PRRC2B: variants seen among roughly 807,000 people sequenced by gnomAD.
The protein encoded by PRRC2B is protein PRRC2B.
Under a neutral mutation model 242.3 loss-of-function variants are expected in PRRC2B, and 68 were observed. The ratio of observed to expected loss-of-function variants is 0.28; its 90% CI spans 0.23 to 0.34. The LOEUF is 0.34. Ranked by LOEUF, PRRC2B falls within the 10% of genes least tolerant of loss-of-function variation. PRRC2B has a pLI of 1.00. For synonymous variants in PRRC2B, 1,228 were observed against 1,173.6 expected, an observed-to-expected ratio of 1.05 and a Z score of -0.95; for missense variants, 2,835 against 2,954.8, an observed-to-expected ratio of 0.96 and a Z score of 0.94.
intron 1 of PRRC2B, among the ~76,000 whole-genome samples, chr9:131,404,506 G>A (rs1295929519): frequency 6.6e-6 from 1 of 151,830 alleles, no homozygotes; most frequent in Non-Finnish European, 1.5e-5. Context: ...ACAGGCGTGA[G>A]CCACTGCACC....
chr9:131,435,613 TAAA>T (rs66831387), intron 3 of PRRC2B, among the ~76,000 whole-genome samples: 2,136 of 146,088 alleles, frequency 0.015, 16 homozygotes, highest in African/African-American at 0.028. Flanking sequence ...AGACTCCATC[TAAA>T]AAAAAAAAAA....
At chr9:131,448,709 C>A (rs143664501) in intron 9 of PRRC2B, among the ~76,000 whole-genome samples, 1 of 151,926 alleles carries the variant, frequency 6.6e-6, no homozygotes, top group Non-Finnish European at 1.5e-5. Context: ...GCGGGTGCCA[C>A]AAACCCAGCT....
At position 131,403,789 on chromosome 9, in the gene PRRC2B, C is replaced by T. The variant is rs7852397; in HGVS notation, c.-52+9526C>T. 5.2e-3 allele frequency among the ~76,000 whole-genome samples: 789 copies of T among 151,860 alleles called. 10 individuals carry two copies. The highest frequency in any genetic ancestry group is 0.018 in the African/African-American group (764 of 41,382). On this transcript the variant is annotated intron_variant, in intron 1 of 31. Coordinates refer to ENST00000683519, the MANE Select transcript of PRRC2B (RefSeq NM_013318.4). ...TGTTTATCCTTCTAGGCTCAGTGCA[C>T]GTATAAATATGGCCTCATGTAGGGA...
chr9:131,420,453 T>TTTCTTTCTTTCTTTTCTTTC (rs1564278457), intron 1 of PRRC2B, among the ~76,000 whole-genome samples: 1 of 60,988 alleles, frequency 1.6e-5, no homozygotes, highest in Non-Finnish European at 3.3e-5. Flanking sequence ...TTCTTTTTCT[T>TTTCTTTCTTTCTTTTCTTTC]TTTCTTTCTT....
intron 2 of PRRC2B, among the ~76,000 whole-genome samples, chr9:131,430,596 T>TGTGTG (rs57039353): frequency 1.9e-5 from 2 of 107,924 alleles, no homozygotes; most frequent in Non-Finnish European, 2.1e-5. Flanking sequence ...TGTGTGTGTG[T>TGTGTG]ATATATATGT....
At chr9:131,476,755 G>A (rs1943714653) in intron 16 of PRRC2B, among the ~76,000 whole-genome samples, 1 of 148,002 alleles carries the variant, frequency 6.8e-6, no homozygotes, top group Non-Finnish European at 1.5e-5. Flanking sequence ...CCCCAGTGGT[G>A]CTCTTGAGGC....
intron 1 of PRRC2B, among the ~76,000 whole-genome samples, chr9:131,417,686 T>C (rs1837695802): frequency 6.6e-6 from 1 of 152,182 alleles, no homozygotes; most frequent in South Asian, 2.1e-4. Context: ...AAGGATGAGC[T>C]GTACAAGCCC....
chr9:131,389,233 A>G (rs563555119), upstream of PRRC2B, among the ~76,000 whole-genome samples: 75 of 145,564 alleles, frequency 5.2e-4, 2 homozygotes, highest in Non-Finnish European at 8.6e-4. Flanking sequence ...GCTTACCACA[A>G]CCTCCGCTTC....
chr9:131,462,787 G>A (rs529504578), intron 11 of PRRC2B, among the ~76,000 whole-genome samples: 4 of 129,048 alleles, frequency 3.1e-5, no homozygotes, highest in South Asian at 2.7e-4. Context: ...GCAGTGAGCC[G>A]AGATCATGCC....
chr9:131,474,923 C>G lies in PRRC2B; in HGVS notation c.2794C>G (p.Gln932Glu). Residue 932 changes from glutamine (Q) to glutamate (E), a missense_variant, in exon 16 of 32, where the codon CAG becomes GAG. Around this residue, in one of 7 missense-constraint regions of PRRC2B, gnomAD observed 1,536 missense variants for 1,483.1 expected, o/e 1.04. Coordinates refer to ENST00000683519, the MANE Select transcript of PRRC2B (RefSeq NM_013318.4). ...GAGCTCCAGCAGCCAGCACCCGGAG[C>G]AGACGGGCAGGACCCGGAGGTCGGG... ...PRSSSSQHPE[Q>E]TGRTRRSGPI... 1.3e-6 allele frequency: 2 copies of G among 1,595,040 alleles called. No homozygotes were observed. Among genetic ancestry groups the G allele is most frequent in the Non-Finnish European group, 1.7e-6 (2 of 1,171,300 alleles).
chr9:131,475,233 C>G lies in PRRC2B; in HGVS notation c.3104C>G (p.Pro1035Arg). The G allele has an allele frequency of 6.2e-7, 1 of 1,613,760 alleles. No homozygotes were observed. The part of the protein sequence containing the change: ...KPDKAWEARP[P>R]RESSDVPPMK... Reference sequence around the variant, plus strand: ...GACAAGGCCTGGGAAGCCAGACCCCCACGAGAGTCCAGCGATGTTCCCCCC... The same window carrying G: ...GACAAGGCCTGGGAAGCCAGACCCCGACGAGAGTCCAGCGATGTTCCCCCC... The change falls in exon 16 of 32, where the codon CCA becomes CGA. Residue 1035 changes from proline (P) to arginine (R), a missense_variant. Around this residue, in one of 7 missense-constraint regions of PRRC2B, gnomAD observed 1,536 missense variants for 1,483.1 expected, o/e 1.04. Coordinates refer to ENST00000683519, the MANE Select transcript of PRRC2B (RefSeq NM_013318.4).
Position 131,485,145 on chromosome 9 carries a change from C to G in PRRC2B, c.5758+5C>G, listed in dbSNP as rs781661359. On this transcript the variant is annotated splice_donor_5th_base_variant and intron_variant, in intron 25 of 31. Transcript: ENST00000683519. ...CACCTTCTGCTTCTATGCCAGGTAT[C>G]TCATCCCCTGAGCAAGGCCTTGGGG... 41 of 1,572,270 alleles carry G rather than the reference C, an allele frequency of 2.6e-5. No individual in the cohort carries two copies. Among genetic ancestry groups the G allele is most frequent in the Non-Finnish European group, 3.5e-5 (41 of 1,155,498 alleles).
At chr9:131,419,216 C>A (rs2131306660) in intron 1 of PRRC2B, among the ~76,000 whole-genome samples, 1 of 152,270 alleles carries the variant, frequency 6.6e-6, no homozygotes, top group East Asian at 1.9e-4. Context: ...TTAAATTAGT[C>A]ACAGTAGAGT....
intron 10 of PRRC2B, among the ~76,000 whole-genome samples, chr9:131,455,751 A>G (rs2131405284): frequency 6.6e-6 from 1 of 152,114 alleles, no homozygotes; most frequent in East Asian, 1.9e-4. Flanking sequence ...CCTGGGCTCA[A>G]GTGATCCACT....
In PRRC2B at chr9:131,477,810, T is replaced by C. The variant is rs763698355; in HGVS notation, c.4473T>C (p.Tyr1491=). The change falls in exon 17 of 32, where the codon TAT becomes TAC. Residue 1491 remains tyrosine (Y), a synonymous_variant. Transcript: ENST00000683519. ...GCAGTGGGAGTGGCCACTCCCCCTA[T>C]GCCCTGGAGCGGGCAGCCCATGCCA... ...GCSSGSGHSP[Y]ALERAAHASA... The C allele has an allele frequency of 3.1e-6, 5 of 1,612,562 alleles. No individual in the cohort carries two copies. Among genetic ancestry groups the C allele is most frequent in the Non-Finnish European group, 4.2e-6 (5 of 1,179,216 alleles).
chr9:131,474,469 C>T lies in PRRC2B; in HGVS notation c.2340C>T (p.Phe780=). 1 of 1,607,266 alleles carries T rather than the reference C, an allele frequency of 6.2e-7. No individual in the cohort carries two copies. The highest frequency in any genetic ancestry group is 8.5e-7 in the Non-Finnish European group (1 of 1,175,678). ...TCCTTTTCAGGAATGAAAGCTCTTT[C>T]TCTGCCTCACTCGGAAGGGCAGGGG... ...MDMRVRNESS[F]SASLGRAGGV... The change falls in exon 16 of 32, where the codon TTC becomes TTT. Residue 780 remains phenylalanine, a synonymous_variant. Coordinates refer to ENST00000683519, the MANE Select transcript of PRRC2B (RefSeq NM_013318.4).
intron 28 of PRRC2B, among the ~76,000 whole-genome samples, chr9:131,488,298 C>G (rs559022783): frequency 6.7e-6 from 1 of 148,592 alleles, no homozygotes; most frequent in South Asian, 2.1e-4. Context: ...GAGTCTCGCT[C>G]TGTTGCCTAG....
chr9:131,470,105 G>A (rs1031582688), intron 13 of PRRC2B, among the ~76,000 whole-genome samples: 8 of 152,146 alleles, frequency 5.3e-5, no homozygotes, highest in Non-Finnish European at 1.2e-4. Flanking sequence ...GTGTTCCCGT[G>A]GCCTGAAGTG....
Position 131,475,562 on chromosome 9 carries a change from C to G in PRRC2B, c.3433C>G (p.Pro1145Ala), listed in dbSNP as rs1161510272. Residue 1145 changes from proline to alanine, a missense_variant, in exon 16 of 32, where the codon CCC becomes GCC. Physicochemically the swap from Pro to Ala is conservative, Grantham distance 27. Coordinates refer to ENST00000683519, the MANE Select transcript of PRRC2B (RefSeq NM_013318.4). ...CGAGGGCTCAGAGTATGAAGAACTT[C>G]CCAAGCGCCGCCGGCAGAGGGGCTC... ...HSEGSEYEEL[P>A]KRRRQRGSEN... 1.2e-6 allele frequency: 2 copies of G among 1,612,782 alleles called. No homozygotes were observed. Among genetic ancestry groups the G allele is most frequent in the Non-Finnish European group, 1.7e-6 (2 of 1,179,816 alleles).
Sources: gnomAD v4.1 joint callset for allele counts (sites outside exome capture counted in the v4.1 genomes callset) on GRCh38, gnomAD v4.1.1 for gene constraint, gnomAD v4.1.1 regional missense constraint, MANE v1.5 for transcripts, NCBI Gene and HGNC (gene_info 2026-07-23, HGNC 2026-07-21) for gene names.